The following CNTNAP2 variants were observed in gnomAD, a reference collection of about 807,000 sequenced individuals.
The protein encoded by CNTNAP2 is contactin associated protein 2.
In CNTNAP2, 98 loss-of-function variants were observed where a neutral mutation model predicts 155.2. The ratio of observed to expected loss-of-function variants is 0.63; its 90% CI spans 0.54 to 0.75. The LOEUF (loss-of-function observed/expected upper bound fraction) is 0.75. Ranked by LOEUF, CNTNAP2 falls within the 30% of genes least tolerant of loss-of-function variation. The pLI is 0.00. For missense variants in CNTNAP2, 1,727 were observed against 1,688.1 expected, an observed-to-expected ratio of 1.02 and a Z score of -0.40; for synonymous variants, 651 against 631.2, an observed-to-expected ratio of 1.03 and a Z score of -0.47.
At chr7:147,526,269 A>T (rs1799317722) in intron 11 of CNTNAP2, among the ~76,000 whole-genome samples, 3 of 151,820 alleles carry the variant, frequency 2.0e-5, no homozygotes, top group Non-Finnish European at 2.9e-5. Context: ...TGGCATTTTT[A>T]AAAAATCTAA....
At chr7:148,147,374 G>T in intron 16 of CNTNAP2, 117 bp from the exon 17 acceptor site, 2 of 973,908 alleles carry the variant, frequency 2.1e-6, no homozygotes, top group Non-Finnish European at 3.3e-6. Context: ...ACCTTTGTAG[G>T]ACGTGACAGG....
chr7:146,688,053 G>A (rs1043967309), intron 1 of CNTNAP2, among the ~76,000 whole-genome samples: 1 of 152,078 alleles, frequency 6.6e-6, no homozygotes, highest in South Asian at 2.1e-4. Context: ...TAAAGATGTC[G>A]CTGAAAAGAC....
chr7:147,247,174 A>G (rs941471221), intron 8 of CNTNAP2, among the ~76,000 whole-genome samples: 1 of 152,226 alleles, frequency 6.6e-6, no homozygotes, highest in Non-Finnish European at 1.5e-5. Context: ...TTTTTACATT[A>G]AAGATAATTT....
chr7:148,118,366 G>C (rs901672404), intron 16 of CNTNAP2, 78 bp downstream of exon 16: 5 of 1,475,860 alleles, frequency 3.4e-6, no homozygotes, highest in Admixed American at 3.5e-5. Flanking sequence ...ATTGTGGAAG[G>C]CCTTTTGATT....
chr7:146,402,686 CTATT>C (rs112298935), intron 1 of CNTNAP2, among the ~76,000 whole-genome samples: 5,744 of 152,068 alleles, frequency 0.038, 365 homozygotes, highest in African/African-American at 0.13. Context: ...AACTAGGTTT[CTATT>C]TATTAGCCTA....
chr7:147,590,447 G>A (rs56805659), intron 12 of CNTNAP2, among the ~76,000 whole-genome samples: 3,018 of 152,132 alleles, frequency 0.02, 97 homozygotes, highest in African/African-American at 0.069. Context: ...TTCCCCCTTC[G>A]CTTAGCACTC....
intron 8 of CNTNAP2, among the ~76,000 whole-genome samples, chr7:147,191,998 G>T (rs1198298235): frequency 6.6e-6 from 1 of 151,858 alleles, no homozygotes; most frequent in Non-Finnish European, 1.5e-5. Context: ...TATTGTTTGA[G>T]GTATAAACAT....
intron 21 of CNTNAP2, among the ~76,000 whole-genome samples, chr7:148,348,393 T>C (rs1798363288): frequency 6.6e-6 from 1 of 152,248 alleles, no homozygotes; most frequent in South Asian, 2.1e-4. Context: ...CAAGGACATA[T>C]TTAAAAATAT....
chr7:148,229,140 C>T (rs1795912713), intron 19 of CNTNAP2, among the ~76,000 whole-genome samples: 2 of 152,198 alleles, frequency 1.3e-5, no homozygotes, highest in African/African-American at 4.8e-5. Flanking sequence ...CTGGTGCTGT[C>T]AGCCGATATG....
At chr7:146,322,965 A>C (rs967858873) in intron 1 of CNTNAP2, among the ~76,000 whole-genome samples, 10 of 152,006 alleles carry the variant, frequency 6.6e-5, no homozygotes, top group Non-Finnish European at 1.2e-4. Context: ...ATTATCTTTC[A>C]GATAATATAG....
At chr7:147,918,570 G>T (rs918437774) in intron 14 of CNTNAP2, among the ~76,000 whole-genome samples, 1 of 152,136 alleles carries the variant, frequency 6.6e-6, no homozygotes, top group Non-Finnish European at 1.5e-5. Flanking sequence ...TACTAAATGT[G>T]ATGTATAATG....
chr7:147,848,500 A>G (rs1351777461), intron 13 of CNTNAP2, among the ~76,000 whole-genome samples: 2 of 150,054 alleles, frequency 1.3e-5, no homozygotes, highest in African/African-American at 4.9e-5. Flanking sequence ...ACTGTCTGGC[A>G]CTCCCTAGTG....
At chr7:147,361,518 A>C (rs1796147260) in intron 9 of CNTNAP2, among the ~76,000 whole-genome samples, 2 of 152,180 alleles carry the variant, frequency 1.3e-5, no homozygotes, top group Admixed American at 6.5e-5. Flanking sequence ...TTATCTTCTC[A>C]CTAATAATAA....
At position 148,136,711 on chromosome 7, in the gene CNTNAP2, A is replaced by T. The variant is rs987354297; in HGVS notation, c.2555-10780A>T. ...CAAACCATCCCAGGATGGAGGCTGGAGATGAGTTTAACCCCACCTGCAACT... is the reference window on the plus strand; with the variant it reads ...CAAACCATCCCAGGATGGAGGCTGGTGATGAGTTTAACCCCACCTGCAACT... On this transcript the variant is annotated intron_variant, in intron 16 of 23. Transcript: ENST00000361727. Among the ~76,000 whole-genome samples the T allele has an allele frequency of 3.9e-5, 6 of 152,214 alleles. 1 individual carries two copies. The highest frequency in any genetic ancestry group is 3.9e-4 in the Admixed American group (6 of 15,282).
chr7:146,674,397 G>A (rs908991652), intron 1 of CNTNAP2, among the ~76,000 whole-genome samples: 7 of 152,040 alleles, frequency 4.6e-5, no homozygotes, highest in Non-Finnish European at 8.8e-5. Context: ...AGAAAATGGA[G>A]GTGGGCTAAT....
chr7:147,419,829 C>T (rs965762825), intron 10 of CNTNAP2, among the ~76,000 whole-genome samples: 1 of 152,174 alleles, frequency 6.6e-6, no homozygotes. Context: ...TGTATTCAGA[C>T]TCAAAGTTCT....
At chr7:146,465,360 G>A (rs549971845) in intron 1 of CNTNAP2, among the ~76,000 whole-genome samples, 3 of 152,252 alleles carry the variant, frequency 2.0e-5, no homozygotes, top group African/African-American at 4.8e-5. Context: ...AAGCATTAAG[G>A]TGCAAGTCTG....
intron 22 of CNTNAP2, among the ~76,000 whole-genome samples, chr7:148,390,417 A>AAGAT (rs1799320185): frequency 6.6e-6 from 1 of 152,236 alleles, no homozygotes; most frequent in Admixed American, 6.5e-5. Context: ...CCTACTCTGA[A>AAGAT]AGATAGAAAA....
chr7:146,693,280 T>C (rs573126203), intron 1 of CNTNAP2, among the ~76,000 whole-genome samples: 4 of 152,178 alleles, frequency 2.6e-5, no homozygotes, highest in Non-Finnish European at 4.4e-5. Context: ...TTCACTTTCA[T>C]GTATTTTCTT....
Sources: gnomAD v4.1 joint callset for allele counts (sites outside exome capture counted in the v4.1 genomes callset) on GRCh38, gnomAD v4.1.1 for gene constraint, MANE v1.5 for transcripts, NCBI Gene and HGNC (gene_info 2026-07-23, HGNC 2026-07-21) for gene names.